Variants in RNF150 observed in about 807,000 individuals in gnomAD.
RNF150 encodes ring finger protein 150.
RNF150 carries 24 observed loss-of-function variants against 39.3 expected under a neutral mutation model. The ratio of observed to expected loss-of-function variants is 0.61; its 90% CI spans 0.44 to 0.86. The LOEUF is 0.86. Among genes scored for constraint, RNF150 ranks in the 40% least tolerant of loss-of-function variants. The probability of loss-of-function intolerance (pLI) is 0.00; values close to 1 mark genes in which losing one functional copy is unlikely to be tolerated. For missense variants in RNF150, 502 were observed against 587.8 expected (o/e 0.85, Z 1.51); for synonymous variants, 255 against 227.3 (o/e 1.12, Z -1.10).
chr4:141,092,207 G>C (rs774541047), intron 1 of RNF150, among the ~76,000 whole-genome samples: 1 of 152,122 alleles, frequency 6.6e-6, no homozygotes, highest in Non-Finnish European at 1.5e-5. Context: ...AGCTGGGCAT[G>C]GTGGTGGTGC....
chr4:140,989,674 A>T (rs1189602419), intron 1 of RNF150, among the ~76,000 whole-genome samples: 1 of 152,184 alleles, frequency 6.6e-6, no homozygotes, highest in Admixed American at 6.6e-5. Flanking sequence ...ATCCTTGGGC[A>T]TTTATCCGGT....
chr4:141,121,250 C>G (rs1015512644), intron 1 of RNF150, among the ~76,000 whole-genome samples: 1 of 152,168 alleles, frequency 6.6e-6, no homozygotes, highest in Non-Finnish European at 1.5e-5. Context: ...CTTCCTAGAA[C>G]AGTGGAAGCT....
chr4:140,904,831 G>A (rs1203170809), intron 6 of RNF150, among the ~76,000 whole-genome samples: 1 of 152,186 alleles, frequency 6.6e-6, no homozygotes, highest in Non-Finnish European at 1.5e-5. Context: ...GCATTTACAA[G>A]TTTTAAATAG....
rs1334258847 is a variant in RNF150 at position 140,967,867 on chromosome 4, T to C, written c.491A>G (p.Glu164Gly). 6.2e-7 allele frequency: 1 copy of C among 1,612,956 alleles called. No individual in the cohort carries two copies. The highest frequency in any genetic ancestry group is 1.3e-5 in the African/African-American group (1 of 74,854). ...AGGAATCATTATGGCCACGATGTCT[T>C]CTACACCTGTGGTAAGAGGGGAAGG... ...ETITMPHAGV[E>G]DIVAIMIPEP... is the part of the protein sequence containing the mutation. The change falls in exon 2 of 7, where the codon GAA becomes GGA. Residue 164 changes from glutamate (E) to glycine (G), a missense_variant. By Grantham distance (98) the Glu-to-Gly change is moderately conservative (BLOSUM62 -2). Coordinates refer to ENST00000515673, the MANE Select transcript of RNF150 (RefSeq NM_020724.2).
At chr4:140,948,155 C>T (rs1461513609) in intron 3 of RNF150, among the ~76,000 whole-genome samples, 2 of 151,918 alleles carry the variant, frequency 1.3e-5, no homozygotes, top group Non-Finnish European at 2.9e-5. Flanking sequence ...ATATATATCT[C>T]TTTTAATGCC....
At chr4:140,928,712 A>AT (rs973340767) in intron 4 of RNF150, among the ~76,000 whole-genome samples, 8 of 151,710 alleles carry the variant, frequency 5.3e-5, no homozygotes, top group South Asian at 4.2e-4. Context: ...ACGCCCAGCT[A>AT]TTTTTTTGTA....
At chr4:140,942,480 C>T (rs562531813) in intron 4 of RNF150, among the ~76,000 whole-genome samples, 24 of 152,342 alleles carry the variant, frequency 1.6e-4, no homozygotes, top group African/African-American at 5.8e-4. Flanking sequence ...TTAACCACCT[C>T]CCCCTGTTCC....
At chr4:141,151,116 A>AT (rs1010876226) in intron 1 of RNF150, among the ~76,000 whole-genome samples, 1 of 151,572 alleles carries the variant, frequency 6.6e-6, no homozygotes, top group African/African-American at 2.4e-5. Flanking sequence ...AGTTTTTAAT[A>AT]TTTTTTTGTA....
chr4:141,114,523 C>T (rs1287369423), intron 1 of RNF150, among the ~76,000 whole-genome samples: 2 of 152,102 alleles, frequency 1.3e-5, no homozygotes, highest in Admixed American at 1.3e-4. Context: ...GGCCTACCAA[C>T]CAAAAAAATC....
intron 4 of RNF150, among the ~76,000 whole-genome samples, chr4:140,927,123 A>G (rs550414614): frequency 6.6e-6 from 1 of 152,176 alleles, no homozygotes; most frequent in Non-Finnish European, 1.5e-5. Context: ...GTACCTCCAA[A>G]TCAGAGAAGA....
chr4:141,165,469 C>T (rs1347079057), intron 1 of RNF150, among the ~76,000 whole-genome samples: 1 of 152,190 alleles, frequency 6.6e-6, no homozygotes, highest in African/African-American at 2.4e-5. Flanking sequence ...CTACAGAATT[C>T]TCCAACCAAA....
chr4:141,012,639 C>T lies in RNF150; in HGVS notation c.485-44766G>A, dbSNP rs541392804. On this transcript the variant is annotated intron_variant, in intron 1 of 6. Coordinates refer to ENST00000515673, the MANE Select transcript of RNF150 (RefSeq NM_020724.2). ...ACCATCCTGGCCAACATGGTGAAGC[C>T]GGGAGTGGTGGCACGTGCCTGTAGT... Among the ~76,000 whole-genome samples the T allele has an allele frequency of 1.6e-4, 24 of 151,702 alleles. No homozygotes were observed. In the East Asian group the frequency reaches 2.5e-3, roughly 16 times the overall value.
intron 1 of RNF150, among the ~76,000 whole-genome samples, chr4:141,208,608 G>A (rs935816773): frequency 2.6e-5 from 4 of 152,174 alleles, no homozygotes; most frequent in African/African-American, 4.8e-5. Context: ...CAAAGGAATG[G>A]AAAGTCTATT....
Position 140,947,656 on chromosome 4 carries a change from G to A in RNF150, c.888C>T (p.Cys296=), listed in dbSNP as rs149384167. ...AAGCAGGCAGCCTAGTGACTCACCGGCAGGGCAGGATCCGGACAACGTCAT... is the reference window on the plus strand; with the variant it reads ...AAGCAGGCAGCCTAGTGACTCACCGACAGGGCAGGATCCGGACAACGTCAT... The part of the protein sequence containing the change: ...KPNDVVRILP[C]RHLFHKSCVD... Residue 296 remains cysteine (C), a splice_region_variant and synonymous_variant, in exon 4 of 7, where the codon TGC becomes TGT. Transcript: ENST00000515673. 116 of 1,608,974 alleles carry A rather than the reference G, an allele frequency of 7.2e-5. No homozygotes were observed. Among genetic ancestry groups the A allele is most frequent in the Non-Finnish European group, 9.5e-5 (112 of 1,177,128 alleles).
intron 4 of RNF150, among the ~76,000 whole-genome samples, chr4:140,930,871 G>C (rs1402458565): frequency 6.6e-6 from 1 of 151,980 alleles, no homozygotes; most frequent in African/African-American, 2.4e-5. Context: ...TGCCCTTTAA[G>C]GCAGCATCAC....
chr4:141,188,512 A>T (rs1728052408), intron 1 of RNF150, among the ~76,000 whole-genome samples: 1 of 152,094 alleles, frequency 6.6e-6, no homozygotes, highest in Non-Finnish European at 1.5e-5. Flanking sequence ...ATCTTTTCAC[A>T]AAGTCCCATA....
At chr4:141,025,976 CTAAG>C (rs1170063415) in intron 1 of RNF150, among the ~76,000 whole-genome samples, 1 of 152,040 alleles carries the variant, frequency 6.6e-6, no homozygotes, top group Non-Finnish European at 1.5e-5. Context: ...TAGCGTCCTC[CTAAG>C]AAAAGAGAGA....
At chr4:140,903,798 C>T (rs537432911) in intron 6 of RNF150, among the ~76,000 whole-genome samples, 2 of 152,326 alleles carry the variant, frequency 1.3e-5, no homozygotes, top group South Asian at 4.1e-4. Flanking sequence ...GGAAGACAAG[C>T]TTCTTCTGGG....
chr4:140,884,563 G>A (rs563218446), intron 6 of RNF150, among the ~76,000 whole-genome samples: 2 of 152,266 alleles, frequency 1.3e-5, no homozygotes, highest in African/African-American at 4.8e-5. Context: ...GTTTTACTCA[G>A]AAGCTTCCCC....
Sources: allele counts gnomAD v4.1 joint callset (sites outside exome capture counted in the v4.1 genomes callset), GRCh38; gene constraint gnomAD v4.1.1; transcripts MANE v1.5; gene names NCBI Gene and HGNC (gene_info 2026-07-23, HGNC 2026-07-21).